Variants in TRIM69 observed in about 807,000 individuals in gnomAD.
TRIM69 encodes the protein E3 ubiquitin-protein ligase TRIM69.
Under a neutral mutation model 37.7 loss-of-function variants are expected in TRIM69, and 29 were observed. That is an observed-to-expected ratio of 0.77 (90% CI 0.57 to 1.05). The LOEUF (loss-of-function observed/expected upper bound fraction) is 1.05, where lower values mean the gene tolerates loss of function less well. Ranked by LOEUF, TRIM69 falls within the 50% of genes least tolerant of loss-of-function variation. TRIM69 has a pLI of 0.00. For synonymous variants in TRIM69, 209 were observed against 212.4 expected (o/e 0.98, Z 0.14); for missense variants, 596 against 579.9 (o/e 1.03, Z -0.28).
At chr15:44,767,053 C>CAAAAAAAA (rs55736812) in intron 6 of TRIM69, among the ~76,000 whole-genome samples, 178 bp from the exon 7 acceptor site, 380 of 24,312 alleles carry the variant, frequency 0.016, 134 homozygotes, top group South Asian at 0.038. Context: ...TTGTCTGCCT[C>CAAAAAAAA]AAAAAAAAAA....
At chr15:44,760,035 C>A (rs1254213756) in intron 6 of TRIM69, among the ~76,000 whole-genome samples, 163 bp downstream of exon 6, 1 of 152,110 alleles carries the variant, frequency 6.6e-6, no homozygotes, top group Non-Finnish European at 1.5e-5. Flanking sequence ...CTTCTAGTAC[C>A]ATGACCTAAG....
chr15:44,756,663 G>GC (rs2087655707), intron 3 of TRIM69, 200 bp downstream of exon 3: 1 of 453,804 alleles, frequency 2.2e-6, no homozygotes, highest in Non-Finnish European at 3.9e-6. Context: ...CAACAGAGCA[G>GC]ATTAACCTTT....
At chr15:44,740,331 C>G (rs1044307965) in intron 1 of TRIM69, among the ~76,000 whole-genome samples, 4 of 152,234 alleles carry the variant, frequency 2.6e-5, no homozygotes, top group South Asian at 2.1e-4. Flanking sequence ...CGCCTCTCTT[C>G]CTCCAAAGGA....
intron 1 of TRIM69, chr15:44,754,686 T>A: frequency 1.8e-6 from 1 of 540,622 alleles, no homozygotes; most frequent in East Asian, 2.9e-5. Flanking sequence ...TACTGTTTCT[T>A]CCTCTGCCTT....
rs370516386 is a variant in TRIM69 at position 44,766,628 on chromosome 15, T to C, written c.962-603T>C. 8.5e-5 allele frequency among the ~76,000 whole-genome samples: 13 copies of C among 152,346 alleles called. No individual in the cohort carries two copies. In the South Asian group the frequency reaches 2.1e-3, roughly 24 times the overall value. ...CCCCTTTGGCATTTGTATTTTCTTA[T>C]ATTTATTAGTATAGGTTTATATTAT... On this transcript the variant is annotated intron_variant, in intron 6 of 6. Transcript: ENST00000329464.
intron 1 of TRIM69, among the ~76,000 whole-genome samples, chr15:44,739,298 C>T (rs993151015): frequency 1.1e-4 from 17 of 152,170 alleles, no homozygotes; most frequent in East Asian, 3.8e-4. Context: ...CCAGCGTGAG[C>T]GATGCAGAAG....
At chr15:44,739,177 C>T (rs923270584) in intron 1 of TRIM69, among the ~76,000 whole-genome samples, 5 of 152,154 alleles carry the variant, frequency 3.3e-5, no homozygotes, top group South Asian at 2.1e-4. Context: ...AGTCACTTCC[C>T]GTTCCTCTTT....
chr15:44,737,733 C>T (rs1160763889), intron 1 of TRIM69, among the ~76,000 whole-genome samples: 2 of 152,106 alleles, frequency 1.3e-5, no homozygotes, highest in Admixed American at 6.5e-5. Context: ...TTTAAGCTGG[C>T]TGTGCTATAT....
intron 1 of TRIM69, among the ~76,000 whole-genome samples, chr15:44,744,868 G>A (rs1017675733): frequency 7.9e-5 from 12 of 152,130 alleles, no homozygotes; most frequent in Admixed American, 5.2e-4. Flanking sequence ...TGGAGGTATA[G>A]TTTGGAAACA....
chr15:44,759,527 T>C (rs2087727646), intron 4 of TRIM69, 113 bp from the exon 5 acceptor site: 1 of 986,190 alleles, frequency 1.0e-6, no homozygotes, highest in East Asian at 2.4e-5. Context: ...AAGAAGTTGG[T>C]AGAGATGAGT....
chr15:44,745,069 TAAA>T (rs35438847), intron 1 of TRIM69, among the ~76,000 whole-genome samples: 8 of 138,094 alleles, frequency 5.8e-5, no homozygotes, highest in Non-Finnish European at 6.3e-5. Context: ...GAGTGCATAC[TAAA>T]AAAAAAAAAA....
At chr15:44,740,762 C>A (rs1292584389) in intron 1 of TRIM69, among the ~76,000 whole-genome samples, 2 of 149,290 alleles carry the variant, frequency 1.3e-5, no homozygotes, top group Non-Finnish European at 3.0e-5. Context: ...ACAAGAAGAG[C>A]TAACTATCCT....
chr15:44,753,264 C>T (rs1000251263), intron 1 of TRIM69: 2 of 151,960 alleles, frequency 1.3e-5, no homozygotes, highest in African/African-American at 4.8e-5. Context: ...CTTAATTCCT[C>T]TTTTCATGAA....
In TRIM69 at chr15:44,756,353, A is replaced by G. The variant is rs1269140330; in HGVS notation, c.484-15A>G. The stretch of plus-strand genomic sequence containing the variant: ...TCCCGAGTTAGTCTGGGTTAATTCT[A>G]TTTGATATTCCCAGGAGGAGCTTGC... On this transcript the variant is annotated splice_polypyrimidine_tract_variant and intron_variant, in intron 2 of 6. Coordinates refer to ENST00000329464, the MANE Select transcript of TRIM69 (RefSeq NM_182985.5). 2 of 1,531,026 alleles carry G rather than the reference A, an allele frequency of 1.3e-6. No homozygotes were observed. Among genetic ancestry groups the G allele is most frequent in the East Asian group, 2.4e-5 (1 of 40,850 alleles). 94.8% of individuals were successfully genotyped at this position (1,531,026 alleles called of 1,614,324 possible). A position where few individuals can be genotyped will look rare whatever the true frequency, so the allele number is the denominator to read the frequency against.
At chr15:44,759,026 C>T (rs1435394591) in intron 4 of TRIM69, among the ~76,000 whole-genome samples, 172 bp downstream of exon 4, 1 of 152,208 alleles carries the variant, frequency 6.6e-6, no homozygotes, top group Admixed American at 6.5e-5. Flanking sequence ...GCTGCTTCAG[C>T]TATACGCACA....
chr15:44,766,751 C>A (rs1299706416), intron 6 of TRIM69, among the ~76,000 whole-genome samples: 2 of 151,422 alleles, frequency 1.3e-5, no homozygotes, highest in African/African-American at 4.9e-5. Flanking sequence ...ACATGGATAC[C>A]CAAACAATAA....
chr15:44,740,049 T>C (rs535333337), intron 1 of TRIM69, among the ~76,000 whole-genome samples: 1 of 152,260 alleles, frequency 6.6e-6, no homozygotes, highest in African/African-American at 2.4e-5. Context: ...AGAGGAATGA[T>C]CGACAGCAGC....
At position 44,736,597 on chromosome 15, in the gene TRIM69, C is replaced by T; in HGVS notation, c.-108C>T. 1 of 1,354,776 alleles carries T rather than the reference C, an allele frequency of 7.4e-7. No homozygotes were observed. Among genetic ancestry groups the T allele is most frequent in the Non-Finnish European group, 1.0e-6 (1 of 978,512 alleles). The allele number at this position is 1,354,776 out of a possible 1,614,324, so 83.9% of individuals were successfully genotyped here. A position where few individuals can be genotyped will look rare whatever the true frequency, so the allele number is the denominator to read the frequency against. ...TTCTTTCTTCCATCATGCTCTGAGCCCATTCCTTGAAAACTAAAAGGTCCC... is the reference window on the plus strand; with the variant it reads ...TTCTTTCTTCCATCATGCTCTGAGCTCATTCCTTGAAAACTAAAAGGTCCC... On this transcript the variant is annotated 5_prime_UTR_variant, in exon 1 of 7. Transcript: ENST00000329464.
chr15:44,767,456 G>C lies in TRIM69; in HGVS notation c.1187G>C (p.Arg396Thr). 1.2e-6 allele frequency: 2 copies of C among 1,614,222 alleles called. No individual in the cohort carries two copies. Among genetic ancestry groups the C allele is most frequent in the Non-Finnish European group, 1.7e-6 (2 of 1,180,044 alleles). ...KKTKWTVGVV[R>T]ESIIRKGSCP... ...ACAAAATGGACAGTTGGAGTTGTCA[G>C]AGAATCCATCATTCGGAAGGGCAGC... is the stretch of plus-strand genomic sequence containing the variant. The change falls in exon 7 of 7, where the codon AGA becomes ACA. Residue 396 changes from arginine (R) to threonine (T), a missense_variant. Transcript: ENST00000329464.
Sources: allele counts gnomAD v4.1 joint callset (sites outside exome capture counted in the v4.1 genomes callset), GRCh38; gene constraint gnomAD v4.1.1; transcripts MANE v1.5; gene names NCBI Gene and HGNC (gene_info 2026-07-23, HGNC 2026-07-21).